The following CENPP variants were observed in gnomAD, a reference collection of about 807,000 sequenced individuals.
CENPP encodes centromere protein P.
In CENPP, 24 loss-of-function variants were observed where a neutral mutation model predicts 35.6. The ratio of observed to expected loss-of-function variants is 0.67; its 90% CI spans 0.49 to 0.95. The LOEUF is 0.95. CENPP is among the 40% of genes least tolerant of loss of function. The pLI is 0.00. For synonymous variants in CENPP, 120 were observed against 125.5 expected (o/e 0.96, Z 0.29); for missense variants, 332 against 345.3 (o/e 0.96, Z 0.31).
In CENPP at chr9:92,545,535, C is replaced by T. The variant is rs528024195; in HGVS notation, c.565-65779C>T. Among the ~76,000 whole-genome samples the T allele has an allele frequency of 1.4e-4, 11 of 80,648 alleles. No homozygotes were observed. In the East Asian group the frequency reaches 3.4e-3, roughly 25 times the overall value. 52.9% of individuals were successfully genotyped at this position (80,648 alleles called of 152,430 possible). A position where few individuals can be genotyped will look rare whatever the true frequency, so the allele number is the denominator to read the frequency against. On this transcript the variant is annotated intron_variant, in intron 5 of 7. Coordinates refer to ENST00000375587, the MANE Select transcript of CENPP (RefSeq NM_001012267.3). ...CCCGCCAAGACTGAGCCTCCCGCCC[C>T]GCCGGGCCCCTTCAAGGCCCGAGCC...
At position 92,327,855 on chromosome 9, in the gene CENPP, G is replaced by T. The variant is rs541091199; in HGVS notation, c.107+1750G>T. ...TAGTTCATTCTTTTAAAGGTAGGGG[G>T]TATGTGACTTAACCCTTGCCTGGCA... On this transcript the variant is annotated intron_variant, in intron 1 of 7. Coordinates refer to ENST00000375587, the MANE Select transcript of CENPP (RefSeq NM_001012267.3). Among the ~76,000 whole-genome samples the T allele has an allele frequency of 2.0e-5, 3 of 152,276 alleles. No homozygotes were observed. In the South Asian group the frequency reaches 6.2e-4, roughly 32 times the overall value.
chr9:92,564,202 C>A (rs904439058), intron 5 of CENPP, among the ~76,000 whole-genome samples: 1 of 151,964 alleles, frequency 6.6e-6, no homozygotes, highest in Non-Finnish European at 1.5e-5. Flanking sequence ...GCCTGGCCAA[C>A]ATGGAGATAC....
intron 5 of CENPP, among the ~76,000 whole-genome samples, chr9:92,489,983 A>C (rs890252250): frequency 6.6e-6 from 1 of 152,194 alleles, no homozygotes; most frequent in Non-Finnish European, 1.5e-5. Context: ...ATACCAATCT[A>C]AGAAATCAGT....
chr9:92,599,091 C>T (rs1016297062), intron 5 of CENPP, among the ~76,000 whole-genome samples: 8 of 151,380 alleles, frequency 5.3e-5, no homozygotes, highest in African/African-American at 1.7e-4. Context: ...GAGTGAATTC[C>T]ACACCCAGAG....
rs781541597 is a variant in CENPP at position 92,515,221 on chromosome 9, A to T, written c.565-96093A>T. On this transcript the variant is annotated intron_variant, in intron 5 of 7. Transcript: ENST00000375587. ...ATAGGAGACTAATGACCACGCAAGG[A>T]TGAGGTAGCAGAGATAAGTTGATGA... 4 of 1,531,430 alleles carry T rather than the reference A, an allele frequency of 2.6e-6. No individual in the cohort carries two copies. The East Asian group carries it at 6.8e-5, about 26-fold the overall frequency. The allele number at this position is 1,531,430 out of a possible 1,614,324, so 94.9% of individuals were successfully genotyped here.
At chr9:92,420,708 C>G (rs1843765095) in intron 5 of CENPP, among the ~76,000 whole-genome samples, 1 of 151,460 alleles carries the variant, frequency 6.6e-6, no homozygotes, top group South Asian at 2.1e-4. Context: ...TATATGTATC[C>G]CTACCTACAA....
intron 5 of CENPP, among the ~76,000 whole-genome samples, chr9:92,396,758 A>G (rs753410758): frequency 2.0e-5 from 3 of 151,942 alleles, no homozygotes; most frequent in Non-Finnish European, 4.4e-5. Flanking sequence ...TTGTAGAGAC[A>G]TGGTGTCACT....
At chr9:92,337,446 C>T in intron 2 of CENPP, 95 bp from the exon 3 acceptor site, 1 of 723,208 alleles carries the variant, frequency 1.4e-6, no homozygotes, top group Non-Finnish European at 2.5e-6. Context: ...ACACATATAC[C>T]CACATGTATT....
intron 5 of CENPP, among the ~76,000 whole-genome samples, chr9:92,578,372 C>G (rs1265944372): frequency 2.0e-5 from 3 of 152,168 alleles, no homozygotes; most frequent in African/African-American, 7.2e-5. Flanking sequence ...GAGGAATTGC[C>G]ACACTGACTT....
At chr9:92,443,392 G>A (rs908898966) in intron 5 of CENPP, among the ~76,000 whole-genome samples, 1 of 152,134 alleles carries the variant, frequency 6.6e-6, no homozygotes, top group African/African-American at 2.4e-5. Flanking sequence ...AAAAAAATGT[G>A]TAAGACTTTT....
At chr9:92,495,653 A>T in intron 5 of CENPP, 1 of 909,192 alleles carries the variant, frequency 1.1e-6, no homozygotes, top group Non-Finnish European at 1.3e-6. Flanking sequence ...AAAAGAGTAT[A>T]GAATTTATGC....
At chr9:92,581,441 C>A (rs1387793969) in intron 5 of CENPP, among the ~76,000 whole-genome samples, 1 of 151,792 alleles carries the variant, frequency 6.6e-6, no homozygotes, top group East Asian at 1.9e-4. Context: ...CTGCAGTGAC[C>A]AAAGATGAAA....
chr9:92,412,387 T>C (rs1406165443), intron 5 of CENPP, among the ~76,000 whole-genome samples: 1 of 152,184 alleles, frequency 6.6e-6, no homozygotes, highest in Non-Finnish European at 1.5e-5. Context: ...GCACCCAGCC[T>C]AAAGTATACA....
intron 5 of CENPP, among the ~76,000 whole-genome samples, chr9:92,492,078 G>A (rs1404097539): frequency 6.6e-6 from 1 of 152,130 alleles, no homozygotes; most frequent in Admixed American, 6.5e-5. Context: ...GTATGGTTTA[G>A]TGTTAATTAT....
At position 92,345,779 on chromosome 9, in the gene CENPP, T is replaced by C. The variant is rs369546880; in HGVS notation, c.459T>C (p.Phe153=). ...EPTECSELSE[F]VSRAEERKDL... is the part of the protein sequence containing the mutation. ...CAGAATGCTCAGAATTAAGTGAATT[T>C]GTGTCTAGGTAAGCTATTTTACAAA... Residue 153 remains phenylalanine (F), a synonymous_variant, in exon 4 of 8, where the codon TTT becomes TTC. Transcript: ENST00000375587. The C allele has an allele frequency of 4.2e-5, 67 of 1,588,874 alleles. No homozygotes were observed. The highest frequency in any genetic ancestry group is 5.4e-5 in the Non-Finnish European group (63 of 1,158,756).
intron 5 of CENPP, among the ~76,000 whole-genome samples, chr9:92,515,358 G>A (rs1847637638): frequency 6.6e-6 from 1 of 152,098 alleles, no homozygotes; most frequent in African/African-American, 2.4e-5. Context: ...TGCTTAAAAA[G>A]TTTTAATAGT....
chr9:92,374,072 C>A (rs1277423507), intron 4 of CENPP, among the ~76,000 whole-genome samples: 1 of 149,698 alleles, frequency 6.7e-6, no homozygotes, highest in Non-Finnish European at 1.5e-5. Flanking sequence ...TGGTCTACCC[C>A]CAGTTGCTGG....
chr9:92,416,628 C>A, intron 5 of CENPP: 1 of 1,535,692 alleles, frequency 6.5e-7, no homozygotes, highest in Non-Finnish European at 8.8e-7. Flanking sequence ...CTTTCTATTT[C>A]ATTATTTTGT....
chr9:92,611,287 G>A lies in CENPP; in HGVS notation c.565-27G>A, dbSNP rs967618123. 5.0e-6 allele frequency: 8 copies of A among 1,592,848 alleles called. No homozygotes were observed. In the African/African-American group the frequency reaches 6.7e-5, roughly 13 times the overall value. On this transcript the variant is annotated intron_variant, in intron 5 of 7. Coordinates refer to ENST00000375587, the MANE Select transcript of CENPP (RefSeq NM_001012267.3). ...CCCCTTTCTCCCCACCAGTGGATCTGTCTACCCGTTTCTTCTCCCCATGCA... is the reference window on the plus strand; with the variant it reads ...CCCCTTTCTCCCCACCAGTGGATCTATCTACCCGTTTCTTCTCCCCATGCA...
Sources: allele counts gnomAD v4.1 joint callset (sites outside exome capture counted in the v4.1 genomes callset), GRCh38; gene constraint gnomAD v4.1.1; transcripts MANE v1.5; gene names NCBI Gene and HGNC (gene_info 2026-07-23, HGNC 2026-07-21).